PLGRKT: variants seen among roughly 807,000 people sequenced by gnomAD.
The protein encoded by PLGRKT is plasminogen receptor with a C-terminal lysine.
Under a neutral mutation model 18.5 loss-of-function variants are expected in PLGRKT, and 22 were observed. That is an observed-to-expected ratio of 1.19 (90% CI 0.85 to 1.70). The LOEUF is 1.70. PLGRKT is among the 40% of genes most tolerant of loss of function. The probability of loss-of-function intolerance (pLI) is 0.00; values close to 1 mark genes in which losing one functional copy is unlikely to be tolerated. For missense variants in PLGRKT, 235 were observed against 174.4 expected (o/e 1.35, Z -1.96); for synonymous variants, 72 against 52.8 (o/e 1.36, Z -1.58).
In PLGRKT at chr9:5,358,224, T is replaced by C. The variant is rs770096745; in HGVS notation, c.*15A>G. ...AATAATTCTGTGCTTTGAGATTTGA[T>C]TGGTAAGCATGATTTCATTTGTCTA... On this transcript the variant is annotated 3_prime_UTR_variant, in exon 6 of 6. Transcript: ENST00000223864. 2 of 1,597,794 alleles carry C rather than the reference T, an allele frequency of 1.3e-6. No homozygotes were observed. The highest frequency in any genetic ancestry group is 2.2e-5 in the East Asian group (1 of 44,712).
At chr9:5,382,556 A>G (rs1387218388) in intron 3 of PLGRKT, among the ~76,000 whole-genome samples, 1 of 152,238 alleles carries the variant, frequency 6.6e-6, no homozygotes, top group Non-Finnish European at 1.5e-5. Context: ...ACTGAAGAAA[A>G]CAGGAAAGAG....
chr9:5,393,131 C>T (rs962729285), intron 3 of PLGRKT, among the ~76,000 whole-genome samples: 3 of 151,844 alleles, frequency 2.0e-5, no homozygotes, highest in East Asian at 1.9e-4. Context: ...TATGAGCCAC[C>T]GCACCCAGCC....
chr9:5,371,825 C>T (rs1378117266), intron 3 of PLGRKT, among the ~76,000 whole-genome samples: 1 of 151,760 alleles, frequency 6.6e-6, no homozygotes, highest in Non-Finnish European at 1.5e-5. Context: ...GTACATATTT[C>T]ATAGTATGAT....
At chr9:5,392,930 C>G (rs1209689253) in intron 3 of PLGRKT, among the ~76,000 whole-genome samples, 1 of 151,778 alleles carries the variant, frequency 6.6e-6, no homozygotes, top group African/African-American at 2.4e-5. Flanking sequence ...CAACCTCCAC[C>G]TCCCAGGTTC....
At chr9:5,414,923 CAGAT>C (rs1289969836) in intron 3 of PLGRKT, among the ~76,000 whole-genome samples, 1 of 152,160 alleles carries the variant, frequency 6.6e-6, no homozygotes, top group East Asian at 1.9e-4. Flanking sequence ...AAAATATACA[CAGAT>C]AGGTAGATAT....
At chr9:5,424,662 T>C (rs1237948405) in intron 3 of PLGRKT, among the ~76,000 whole-genome samples, 3 of 113,886 alleles carry the variant, frequency 2.6e-5, no homozygotes, top group Non-Finnish European at 4.9e-5. Context: ...AATATAATTA[T>C]ATATTTTATA....
chr9:5,383,971 G>A (rs925511658), intron 3 of PLGRKT, among the ~76,000 whole-genome samples: 27 of 152,142 alleles, frequency 1.8e-4, no homozygotes, highest in African/African-American at 5.3e-4. Context: ...CTGAATTTGC[G>A]GGGCCTGGGA....
chr9:5,367,402 A>G (rs992171717), intron 3 of PLGRKT, among the ~76,000 whole-genome samples: 9 of 152,184 alleles, frequency 5.9e-5, no homozygotes, highest in African/African-American at 2.2e-4. Context: ...ACGTATGCCA[A>G]TGGAAAAGAA....
At chr9:5,434,187 C>A (rs1450432188) in intron 2 of PLGRKT, among the ~76,000 whole-genome samples, 1 of 145,084 alleles carries the variant, frequency 6.9e-6, no homozygotes, top group Admixed American at 6.8e-5. Flanking sequence ...CGGCCGCCAC[C>A]CCGTCTGGGA....
chr9:5,430,463 G>C (rs776677777), intron 3 of PLGRKT, among the ~76,000 whole-genome samples: 2 of 152,194 alleles, frequency 1.3e-5, no homozygotes, highest in Non-Finnish European at 2.9e-5. Flanking sequence ...TTCTGCATAA[G>C]ACACTCTTGT....
intron 3 of PLGRKT, among the ~76,000 whole-genome samples, chr9:5,424,655 A>ATTTACAT (rs1818653655): frequency 8.8e-6 from 1 of 113,658 alleles, no homozygotes; most frequent in Non-Finnish European, 1.7e-5. Flanking sequence ...TATATATAAT[A>ATTTACAT]TAATTATATA....
intron 3 of PLGRKT, among the ~76,000 whole-genome samples, chr9:5,408,198 G>A (rs1384756637): frequency 6.6e-6 from 1 of 152,200 alleles, no homozygotes; most frequent in Non-Finnish European, 1.5e-5. Context: ...AGTGTGGAGG[G>A]CTCAGAGGAA....
At chr9:5,363,248 T>C (rs1012710900) in intron 3 of PLGRKT, among the ~76,000 whole-genome samples, 2 of 151,540 alleles carry the variant, frequency 1.3e-5, no homozygotes, top group Non-Finnish European at 1.5e-5. Flanking sequence ...TCAATCAACC[T>C]GGACAGCGCC....
intron 3 of PLGRKT, among the ~76,000 whole-genome samples, chr9:5,385,999 C>T (rs1817835770): frequency 6.6e-6 from 1 of 151,670 alleles, no homozygotes; most frequent in Admixed American, 6.6e-5. Context: ...GACTTCATCT[C>T]ATGTAATGCA....
intron 3 of PLGRKT, among the ~76,000 whole-genome samples, chr9:5,386,037 G>A (rs1299796717): frequency 6.6e-6 from 1 of 151,600 alleles, no homozygotes; most frequent in Admixed American, 6.6e-5. Context: ...GTATCTCCTG[G>A]CCCTGATCAC....
At chr9:5,419,952 C>T (rs1818543059) in intron 3 of PLGRKT, among the ~76,000 whole-genome samples, 1 of 152,112 alleles carries the variant, frequency 6.6e-6, no homozygotes, top group Non-Finnish European at 1.5e-5. Context: ...TACACAATAT[C>T]CAAAAGGTAG....
At chr9:5,391,924 C>A (rs1247393180) in intron 3 of PLGRKT, among the ~76,000 whole-genome samples, 1 of 151,862 alleles carries the variant, frequency 6.6e-6, no homozygotes, top group African/African-American at 2.4e-5. Context: ...GGGCATGTTC[C>A]TCTCAGTTGA....
At chr9:5,433,865 T>C (rs1487458416) in intron 2 of PLGRKT, among the ~76,000 whole-genome samples, 1 of 123,276 alleles carries the variant, frequency 8.1e-6, no homozygotes, top group Non-Finnish European at 1.7e-5. Context: ...GGAGCGCCTT[T>C]GCCCGGCCGC....
intron 3 of PLGRKT, among the ~76,000 whole-genome samples, chr9:5,374,507 C>T (rs1817590430): frequency 6.6e-6 from 1 of 152,208 alleles, no homozygotes; most frequent in Non-Finnish European, 1.5e-5. Context: ...CTTCAAGCCT[C>T]ACTGAGGCCA....
Sources: gnomAD v4.1 joint callset for allele counts (sites outside exome capture counted in the v4.1 genomes callset) on GRCh38, gnomAD v4.1.1 for gene constraint, MANE v1.5 for transcripts, NCBI Gene and HGNC (gene_info 2026-07-23, HGNC 2026-07-21) for gene names.